CFAP46: variants seen among roughly 807,000 people sequenced by gnomAD.
The protein encoded by CFAP46 is cilia- and flagella-associated protein 46.
Under a neutral mutation model 325.7 loss-of-function variants are expected in CFAP46, and 245 were observed. The observed-to-expected ratio is 0.75, with a 90% CI of 0.68 to 0.84. The LOEUF (loss-of-function observed/expected upper bound fraction) is 0.84, where lower values mean the gene tolerates loss of function less well. Among genes scored for constraint, CFAP46 ranks in the 40% least tolerant of loss-of-function variants. The probability of loss-of-function intolerance (pLI) is 0.00; values close to 1 mark genes in which losing one functional copy is unlikely to be tolerated. For synonymous variants in CFAP46, 1,523 were observed against 1,495.9 expected, an observed-to-expected ratio of 1.02 and a Z score of -0.42; for missense variants, 3,346 against 3,543.0, an observed-to-expected ratio of 0.94 and a Z score of 1.41.
At chr10:132,854,887 T>G (rs533611715) in intron 39 of CFAP46, among the ~76,000 whole-genome samples, 1 of 151,016 alleles carries the variant, frequency 6.6e-6, no homozygotes, top group African/African-American at 2.4e-5. Context: ...GTGGCACCAG[T>G]ACATATTTTA....
At chr10:132,850,453 T>C in intron 40 of CFAP46, 21 bp from the exon 41 acceptor site, 1 of 1,531,816 alleles carries the variant, frequency 6.5e-7, no homozygotes, top group Non-Finnish European at 8.8e-7. Flanking sequence ...ACAGACATGT[T>C]ACAGCTGCCA....
chr10:132,920,269 C>T (rs1434720515), intron 13 of CFAP46, 87 bp from the exon 14 acceptor site: 16 of 1,415,022 alleles, frequency 1.1e-5, no homozygotes, highest in Middle Eastern at 2.6e-4. Context: ...CCTGCGCCGG[C>T]GCCGGGGTGG....
intron 8 of CFAP46, among the ~76,000 whole-genome samples, chr10:132,933,362 T>G (rs1212216640): frequency 6.6e-6 from 1 of 152,202 alleles, no homozygotes; most frequent in South Asian, 2.1e-4. Context: ...ATGCCGCCTG[T>G]GGACAGACCT....
At position 132,916,636 on chromosome 10, in the gene CFAP46, C is replaced by A. The variant is rs180723605; in HGVS notation, c.2033G>T (p.Arg678Leu). 1.2e-5 allele frequency: 18 copies of A among 1,537,506 alleles called. No individual in the cohort carries two copies. Among genetic ancestry groups the A allele is most frequent in the Non-Finnish European group, 1.3e-5 (15 of 1,141,150 alleles). Residue 678 changes from arginine (R) to leucine (L), a missense_variant, in exon 17 of 58, where the codon CGG (arginine) becomes CTG (leucine). Coordinates refer to ENST00000368586, the MANE Select transcript of CFAP46 (RefSeq NM_001200049.3). ...GCTCAGGTCTTCGGGGGGGATGGCC[C>A]GGTCATTCAGCTCTACACCTTCTGA... ...LRSEGVELND[R>L]AIPPEDLSQH...
intron 38 of CFAP46, 22 bp downstream of exon 38, chr10:132,859,049 G>C: frequency 6.5e-7 from 1 of 1,545,038 alleles, no homozygotes; most frequent in Non-Finnish European, 8.7e-7. Context: ...CTCCCGTGCA[G>C]GGGTCGTGGA....
Position 132,827,055 on chromosome 10 carries a change from G to C in CFAP46, c.7117+6303C>G, listed in dbSNP as rs930628885. Among the ~76,000 whole-genome samples, 3 of 152,122 alleles carry C rather than the reference G, an allele frequency of 2.0e-5. No individual in the cohort carries two copies. Among genetic ancestry groups the C allele is most frequent in the Non-Finnish European group, 4.4e-5 (3 of 68,032 alleles). On this transcript the variant is annotated intron_variant, in intron 50 of 57. Transcript: ENST00000368586. The surrounding 1 kb of genome is among the most constrained non-coding windows in gnomAD (Gnocchi z 5.7). ...AAAACGGTTTCCGACACCTCCATGAGCCTCGTGTCTGTGCCAACCGACTCC... is the reference window on the plus strand; with the variant it reads ...AAAACGGTTTCCGACACCTCCATGACCCTCGTGTCTGTGCCAACCGACTCC...
intron 50 of CFAP46, among the ~76,000 whole-genome samples, chr10:132,820,199 T>C (rs1402658581): frequency 6.6e-6 from 1 of 152,220 alleles, no homozygotes; most frequent in Non-Finnish European, 1.5e-5. Context: ...CTGTCGCCGT[T>C]GGCGACAACA....
chr10:132,872,293 G>A (rs1453771486), intron 32 of CFAP46, among the ~76,000 whole-genome samples: 2 of 152,074 alleles, frequency 1.3e-5, no homozygotes, highest in African/African-American at 2.4e-5. Context: ...ATGCTCTGTT[G>A]CCCAGGCTAG....
intron 44 of CFAP46, among the ~76,000 whole-genome samples, chr10:132,841,333 A>G (rs534937123): frequency 2.1e-4 from 32 of 152,378 alleles, no homozygotes; most frequent in African/African-American, 7.5e-4. Context: ...CCAACCCCAC[A>G]GGGCTGATGT....
chr10:132,859,062 C>T lies in CFAP46; in HGVS notation c.5375+9G>A, dbSNP rs1317116212. 1 of 1,548,592 alleles carries T rather than the reference C, an allele frequency of 6.5e-7. No individual in the cohort carries two copies. The highest frequency in any genetic ancestry group is 2.4e-5 in the East Asian group (1 of 40,902). On this transcript the variant is annotated intron_variant, in intron 38 of 57. Coordinates refer to ENST00000368586, the MANE Select transcript of CFAP46 (RefSeq NM_001200049.3). Reference sequence around the variant, plus strand: ...GACTCCCGTGCAGGGGTCGTGGAGGCAGCCTTACCTCTTGATCTTCGCACG... The same window carrying T: ...GACTCCCGTGCAGGGGTCGTGGAGGTAGCCTTACCTCTTGATCTTCGCACG...
chr10:132,908,984 G>A (rs141800654), intron 21 of CFAP46, among the ~76,000 whole-genome samples, 153 bp downstream of exon 21: 7 of 152,324 alleles, frequency 4.6e-5, no homozygotes, highest in African/African-American at 1.4e-4. Context: ...GAAGTGCGTC[G>A]AGGGGGCGCA....
rs762823621 is a variant in CFAP46 at position 132,922,554 on chromosome 10, G to A, written c.1411C>T (p.Arg471Trp). The change falls in exon 12 of 58, where the codon CGG becomes TGG. Residue 471 changes from arginine (R) to tryptophan (W), a missense_variant. Arg to Trp is a moderately radical substitution (Grantham distance 101, BLOSUM62 -3). Transcript: ENST00000368586. ...TATAGCGTGGTGCACAGACGCAGCC[G>A]GGTGGAGGCCATCTGGATCCTGTCC... ...YRDRIQMAST[R>W]LRLCTTLYQA... The A allele has an allele frequency of 2.6e-5, 41 of 1,547,962 alleles. No individual in the cohort carries two copies. The highest frequency in any genetic ancestry group is 4.9e-5 in the East Asian group (2 of 40,910).
chr10:132,814,495 C>T, intron 53 of CFAP46, 82 bp downstream of exon 53: 1 of 1,482,162 alleles, frequency 6.7e-7, no homozygotes, highest in Non-Finnish European at 9.2e-7. Flanking sequence ...GAGTGGGGCA[C>T]CAGTTGCTGC....
At chr10:132,904,771 T>C (rs1020622448) in intron 22 of CFAP46, among the ~76,000 whole-genome samples, 2 of 152,122 alleles carry the variant, frequency 1.3e-5, no homozygotes, top group African/African-American at 4.8e-5. Context: ...GTTTGTTCTG[T>C]TTTGTTTGGA....
At chr10:132,809,096 C>T (rs1208270861) in intron 57 of CFAP46, among the ~76,000 whole-genome samples, 192 bp from the exon 58 acceptor site, 3 of 152,164 alleles carry the variant, frequency 2.0e-5, no homozygotes, top group Non-Finnish European at 4.4e-5. Flanking sequence ...TGTCCAGGCC[C>T]GCGCAGCCGG....
At position 132,823,037 on chromosome 10, in the gene CFAP46, CTGA is replaced by C. The variant is rs1418633874; in HGVS notation, c.7118-8126_7118-8124del. 6.0e-3 allele frequency among the ~76,000 whole-genome samples: 634 copies of C among 105,278 alleles called. 9 individuals carry two copies. The highest frequency in any genetic ancestry group is 0.022 in the African/African-American group (572 of 26,524). The allele number at this position is 105,278 out of a possible 152,430, so 69.1% of individuals were successfully genotyped here. ...GTGTGTGCTGTGTGCTGTGTGTGCG[CTGA>C]TGTGTGCTGTGTGCTGTGAGTGCTG... On this transcript the variant is annotated intron_variant, in intron 50 of 57. Coordinates refer to ENST00000368586, the MANE Select transcript of CFAP46 (RefSeq NM_001200049.3).
At chr10:132,910,410 G>A (rs571257655) in intron 19 of CFAP46, among the ~76,000 whole-genome samples, 3 of 152,248 alleles carry the variant, frequency 2.0e-5, no homozygotes, top group Non-Finnish European at 4.4e-5. Flanking sequence ...GGGGCAGCAA[G>A]GACGGAGCCC....
chr10:132,920,237 C>A (rs1346374675), intron 13 of CFAP46, 55 bp from the exon 14 acceptor site: 1 of 1,475,068 alleles, frequency 6.8e-7, no homozygotes, highest in South Asian at 1.4e-5. Context: ...GGGCCGGGGA[C>A]GTGCCCATCA....
chr10:132,913,855 G>A (rs1849597131), intron 17 of CFAP46, among the ~76,000 whole-genome samples: 1 of 150,288 alleles, frequency 6.7e-6, no homozygotes, highest in African/African-American at 2.5e-5. Context: ...CCGCCGGCCT[G>A]CGCGCTCCAC....
Sources: allele counts gnomAD v4.1 joint callset (sites outside exome capture counted in the v4.1 genomes callset), GRCh38; gene constraint gnomAD v4.1.1; non-coding constraint Gnocchi (gnomAD v3.1); transcripts MANE v1.5; gene names NCBI Gene and HGNC (gene_info 2026-07-23, HGNC 2026-07-21).